The following ASAP1 variants were observed in gnomAD, a reference collection of about 807,000 sequenced individuals.
ASAP1 encodes the protein ArfGAP with SH3 domain, ankyrin repeat and PH domain 1.
Under a neutral mutation model 145.2 loss-of-function variants are expected in ASAP1, and 43 were observed. The observed-to-expected ratio is 0.30, with a 90% CI of 0.23 to 0.38. The LOEUF is 0.38. Among genes scored for constraint, ASAP1 ranks in the 10% least tolerant of loss-of-function variants. The probability of loss-of-function intolerance (pLI) is 1.00; values close to 1 mark genes in which losing one functional copy is unlikely to be tolerated. For synonymous variants in ASAP1, 546 were observed against 515.5 expected, an observed-to-expected ratio of 1.06 and a Z score of -0.80; for missense variants, 1,018 against 1,355.3, an observed-to-expected ratio of 0.75 and a Z score of 3.91.
intron 4 of ASAP1, among the ~76,000 whole-genome samples, chr8:130,215,636 C>A (rs899633805): frequency 6.6e-6 from 1 of 151,970 alleles, no homozygotes; most frequent in South Asian, 2.1e-4. Flanking sequence ...CCCAGCTACT[C>A]GGGAGGCGGA....
chr8:130,331,813 T>C (rs946888663), intron 3 of ASAP1, among the ~76,000 whole-genome samples: 2 of 151,878 alleles, frequency 1.3e-5, no homozygotes, highest in African/African-American at 4.8e-5. Flanking sequence ...CACACACACA[T>C]GCAAACACAC....
At chr8:130,179,076 G>A in intron 9 of ASAP1, 188 bp downstream of exon 9, 1 of 449,950 alleles carries the variant, frequency 2.2e-6, no homozygotes, top group Non-Finnish European at 4.0e-6. Flanking sequence ...GCCCTAATTT[G>A]AGCTACTGAT....
chr8:130,097,600 C>T (rs2097521257), intron 24 of ASAP1, among the ~76,000 whole-genome samples: 3 of 152,332 alleles, frequency 2.0e-5, no homozygotes, highest in South Asian at 2.1e-4. Context: ...GAAGTGTGCC[C>T]GGCATACAGC....
chr8:130,120,673 C>T (rs1331805704), intron 18 of ASAP1, among the ~76,000 whole-genome samples: 2 of 152,164 alleles, frequency 1.3e-5, no homozygotes, highest in Admixed American at 6.5e-5. Context: ...GCAGATGCCA[C>T]GCAATTATTT....
intron 3 of ASAP1, among the ~76,000 whole-genome samples, chr8:130,329,166 C>T (rs1305455324): frequency 6.6e-6 from 1 of 152,168 alleles, no homozygotes; most frequent in Non-Finnish European, 1.5e-5. Flanking sequence ...CCTTAACCCT[C>T]AACCACTGCT....
At chr8:130,172,627 C>T (rs1483001350) in intron 9 of ASAP1, among the ~76,000 whole-genome samples, 1 of 152,110 alleles carries the variant, frequency 6.6e-6, no homozygotes, top group Non-Finnish European at 1.5e-5. Context: ...TTGGTAGCCA[C>T]GTGTGGCCAA....
At chr8:130,286,464 C>T (rs1174943565) in intron 3 of ASAP1, among the ~76,000 whole-genome samples, 1 of 152,202 alleles carries the variant, frequency 6.6e-6, no homozygotes, top group Non-Finnish European at 1.5e-5. Flanking sequence ...AGCTAGAGAA[C>T]TCCTTCATGT....
At chr8:130,333,847 C>A (rs1411856172) in intron 3 of ASAP1, among the ~76,000 whole-genome samples, 1 of 152,154 alleles carries the variant, frequency 6.6e-6, no homozygotes, top group Non-Finnish European at 1.5e-5. Flanking sequence ...GAACACCATG[C>A]CTATCCCCCA....
chr8:130,072,829 G>GCGCGCGCGCGCGCA (rs1221695712), intron 27 of ASAP1, among the ~76,000 whole-genome samples: 1 of 102,366 alleles, frequency 9.8e-6, no homozygotes, highest in Non-Finnish European at 2.0e-5. Flanking sequence ...GTGTGTGCGC[G>GCGCGCGCGCGCGCA]CGGGGGGGGG....
chr8:130,417,153 T>C (rs560918245), intron 1 of ASAP1, among the ~76,000 whole-genome samples: 1 of 151,088 alleles, frequency 6.6e-6, no homozygotes, highest in Admixed American at 6.6e-5. Flanking sequence ...ATACAACCCA[T>C]GTACAACTGC....
chr8:130,072,744 C>G (rs2097449732), intron 27 of ASAP1, among the ~76,000 whole-genome samples: 1 of 148,116 alleles, frequency 6.8e-6, no homozygotes, highest in Admixed American at 6.8e-5. Flanking sequence ...GGAGCCCCAC[C>G]TTGTAGCCAG....
At chr8:130,188,017 T>C in intron 6 of ASAP1, 92 bp downstream of exon 6, 1 of 918,974 alleles carries the variant, frequency 1.1e-6, no homozygotes. Flanking sequence ...TCAAAGAGTC[T>C]TTCAAATACA....
At chr8:130,130,579 G>A (rs550237109) in intron 15 of ASAP1, among the ~76,000 whole-genome samples, 1 of 152,166 alleles carries the variant, frequency 6.6e-6, no homozygotes, top group African/African-American at 2.4e-5. Context: ...AAAGCATAAA[G>A]AATGCATAAT....
At chr8:130,375,077 G>A (rs1394713442) in intron 2 of ASAP1, among the ~76,000 whole-genome samples, 1 of 152,106 alleles carries the variant, frequency 6.6e-6, no homozygotes, top group Non-Finnish European at 1.5e-5. Context: ...TTTCCTAACT[G>A]CTCCATATTG....
intron 13 of ASAP1, among the ~76,000 whole-genome samples, chr8:130,148,982 G>A (rs915274987): frequency 6.6e-6 from 1 of 150,492 alleles, no homozygotes. Context: ...GAATACAGGT[G>A]TGCACCATCA....
intron 4 of ASAP1, among the ~76,000 whole-genome samples, chr8:130,218,894 C>T (rs745871999): frequency 6.6e-6 from 1 of 151,504 alleles, no homozygotes; most frequent in Non-Finnish European, 1.5e-5. Context: ...TGTGTATATA[C>T]TGGCATATAT....
intron 3 of ASAP1, chr8:130,340,854 A>G: frequency 2.2e-6 from 1 of 455,460 alleles, no homozygotes; most frequent in South Asian, 1.6e-5. Context: ...TGTGACTCTT[A>G]TGATGGCTCC....
intron 27 of ASAP1, among the ~76,000 whole-genome samples, chr8:130,070,189 A>G (rs2097439771): frequency 6.6e-6 from 1 of 152,126 alleles, no homozygotes; most frequent in South Asian, 2.1e-4. Flanking sequence ...GGCGCCCGTC[A>G]CCATGCCCGG....
At chr8:130,189,636 T>G (rs765076916) in intron 5 of ASAP1, among the ~76,000 whole-genome samples, 13 of 152,220 alleles carry the variant, frequency 8.5e-5, no homozygotes, top group Admixed American at 2.0e-4. Context: ...GTTATCTTGT[T>G]GATACACTGA....
Sources: gnomAD v4.1 joint callset for allele counts (sites outside exome capture counted in the v4.1 genomes callset) on GRCh38, gnomAD v4.1.1 for gene constraint, MANE v1.5 for transcripts, NCBI Gene and HGNC (gene_info 2026-07-23, HGNC 2026-07-21) for gene names.